The following IL33 variants were observed in gnomAD, a reference collection of about 807,000 sequenced individuals.
The protein encoded by IL33 is interleukin 33, also known as interleukin-33.
A neutral mutation model predicts 27.3 loss-of-function variants in IL33; 37 were observed. The observed-to-expected ratio is 1.36, with a 90% confidence interval of 1.04 to 1.78. IL33 has a LOEUF of 1.78. Ranked by LOEUF, IL33 falls within the 40% of genes most tolerant of loss-of-function variation. The pLI is 0.00. For synonymous variants in IL33, 132 were observed against 102.9 expected (o/e 1.28, Z -1.71); for missense variants, 406 against 311.4 (o/e 1.30, Z -2.29).
intron 5 of IL33, 149 bp downstream of exon 5, chr9:6,253,140 T>C: frequency 1.8e-6 from 1 of 551,020 alleles, no homozygotes; most frequent in Non-Finnish European, 3.1e-6. Flanking sequence ...TGGCAGTGGG[T>C]GCCTGAATCC....
chr9:6,217,865 G>GAAGACT (rs1001672961), intron 1 of IL33, among the ~76,000 whole-genome samples: 1 of 146,858 alleles, frequency 6.8e-6, no homozygotes, highest in Non-Finnish European at 1.5e-5. Flanking sequence ...AGAGTGAAGT[G>GAAGACT]TCTAGGGCAA....
intron 2 of IL33, among the ~76,000 whole-genome samples, chr9:6,248,125 G>A (rs1819973250): frequency 6.6e-6 from 1 of 151,794 alleles, no homozygotes; most frequent in Non-Finnish European, 1.5e-5. Flanking sequence ...TTTTAGCTCT[G>A]AAAAGACAAT....
At chr9:6,254,341 T>A (rs1348063509) in intron 6 of IL33, 121 bp from the exon 7 acceptor site, 1 of 543,884 alleles carries the variant, frequency 1.8e-6, no homozygotes, top group Non-Finnish European at 3.2e-6. Context: ...AAGATACCTG[T>A]TAGTGAATGA....
At chr9:6,254,674 A>C (rs1273774315) in intron 7 of IL33, 121 bp downstream of exon 7, 7 of 469,038 alleles carry the variant, frequency 1.5e-5, no homozygotes, top group African/African-American at 9.8e-5. Flanking sequence ...TTTGTGTGCT[A>C]TTGTATATAA....
At position 6,243,435 on chromosome 9, in the gene IL33, A is replaced by T. The variant is rs115485345; in HGVS notation, c.91+1650A>T. 6.1e-3 allele frequency among the ~76,000 whole-genome samples: 933 copies of T among 152,080 alleles called. 11 individuals are homozygous for T. Among genetic ancestry groups the T allele is most frequent in the African/African-American group, 0.022 (897 of 41,482 alleles). The stretch of plus-strand genomic sequence containing the variant: ...AGTGGCACCATCTCATCTCACTAAA[A>T]CCTCTGCCTCCTGGTTCAAGCGATT... On this transcript the variant is annotated intron_variant, in intron 2 of 7. Coordinates refer to ENST00000682010, the MANE Select transcript of IL33 (RefSeq NM_033439.4).
intron 2 of IL33, among the ~76,000 whole-genome samples, chr9:6,247,043 A>G (rs12350627): frequency 0.054 from 8,225 of 152,244 alleles, 717 homozygotes; most frequent in African/African-American, 0.18. Context: ...TTGGGGAGAA[A>G]GAAAAACAGA....
intron 1 of IL33, among the ~76,000 whole-genome samples, chr9:6,219,111 G>A (rs1415843976): frequency 6.6e-6 from 1 of 151,384 alleles, no homozygotes; most frequent in Non-Finnish European, 1.5e-5. Context: ...TTGTATCTCA[G>A]TTTGTAGCAG....
intron 1 of IL33, among the ~76,000 whole-genome samples, chr9:6,236,030 C>T (rs1587632088): frequency 6.6e-6 from 1 of 150,788 alleles, no homozygotes; most frequent in East Asian, 2.0e-4. Flanking sequence ...CACACACACA[C>T]ACACACACAC....
At chr9:6,245,611 C>A (rs989424677) in intron 2 of IL33, among the ~76,000 whole-genome samples, 3 of 152,094 alleles carry the variant, frequency 2.0e-5, no homozygotes, top group African/African-American at 7.2e-5. Flanking sequence ...ATCTAAGGGA[C>A]TAATGATGAA....
At chr9:6,250,065 G>A (rs1816254929) in intron 2 of IL33, among the ~76,000 whole-genome samples, 1 of 152,084 alleles carries the variant, frequency 6.6e-6, no homozygotes, top group Non-Finnish European at 1.5e-5. Context: ...ATGGAATTCT[G>A]AAAACCAAAA....
At chr9:6,235,827 T>C (rs1002115948) in intron 1 of IL33, among the ~76,000 whole-genome samples, 18 of 152,090 alleles carry the variant, frequency 1.2e-4, no homozygotes, top group African/African-American at 4.3e-4. Context: ...GAGAAAAGGG[T>C]ACTCCCCTGG....
intron 1 of IL33, among the ~76,000 whole-genome samples, chr9:6,224,002 T>C (rs952500588): frequency 2.0e-5 from 3 of 152,186 alleles, no homozygotes; most frequent in Non-Finnish European, 1.5e-5. Flanking sequence ...AAGCGCTTAC[T>C]CCTCACATGC....
At chr9:6,246,439 G>A (rs1334296219) in intron 2 of IL33, among the ~76,000 whole-genome samples, 1 of 152,094 alleles carries the variant, frequency 6.6e-6, no homozygotes, top group Non-Finnish European at 1.5e-5. Flanking sequence ...GCGCACGCCT[G>A]TAGTCCCAGC....
Position 6,256,983 on chromosome 9 carries a change from A to G in IL33, c.*815A>G, listed in dbSNP as rs922519412. 1.3e-5 allele frequency: 2 copies of G among 151,920 alleles called. No homozygotes were observed. The highest frequency in any genetic ancestry group is 4.8e-5 in the African/African-American group (2 of 41,350). 9.4% of individuals were successfully genotyped at this position (151,920 alleles called of 1,614,324 possible). On this transcript the variant is annotated 3_prime_UTR_variant, in exon 8 of 8. Transcript: ENST00000682010. ...TATTAGGAATATGTAACATGCTAAA[A>G]CTTTTTTTTTTTTAAAGAGTACTGA...
intron 2 of IL33, among the ~76,000 whole-genome samples, chr9:6,245,498 T>C (rs1445117718): frequency 1.3e-5 from 2 of 152,200 alleles, no homozygotes; most frequent in Non-Finnish European, 2.9e-5. Flanking sequence ...AAAATATTTT[T>C]ACTTTACAGA....
chr9:6,241,125 A>G (rs933210785), intron 1 of IL33, among the ~76,000 whole-genome samples: 1 of 152,166 alleles, frequency 6.6e-6, no homozygotes, highest in African/African-American at 2.4e-5. Context: ...ATTTCCTATA[A>G]CAATGTCTTC....
At chr9:6,246,264 G>C (rs185848491) in intron 2 of IL33, among the ~76,000 whole-genome samples, 70 of 151,994 alleles carry the variant, frequency 4.6e-4, no homozygotes, top group Non-Finnish European at 7.5e-4. Flanking sequence ...CATTGCGATA[G>C]TATTAAGAGG....
chr9:6,231,906 C>T (rs531060051), intron 1 of IL33, among the ~76,000 whole-genome samples: 10 of 152,218 alleles, frequency 6.6e-5, no homozygotes, highest in Admixed American at 3.9e-4. Flanking sequence ...CTAAATTTTC[C>T]ACAATGAGTA....
intron 7 of IL33, among the ~76,000 whole-genome samples, chr9:6,255,409 C>T (rs2130476064): frequency 6.6e-6 from 1 of 152,034 alleles, no homozygotes; most frequent in East Asian, 1.9e-4. Flanking sequence ...GCTACTTAGA[C>T]TGAGCTCTAT....
Sources: gnomAD v4.1 joint callset for allele counts (sites outside exome capture counted in the v4.1 genomes callset) on GRCh38, gnomAD v4.1.1 for gene constraint, MANE v1.5 for transcripts, NCBI Gene and HGNC (gene_info 2026-07-23, HGNC 2026-07-21) for gene names.